SOX6: variants seen among roughly 807,000 people sequenced by gnomAD.
SOX6 encodes transcription factor SOX-6.
SOX6 carries 11 observed loss-of-function variants against 97.8 expected under a neutral mutation model. That is an observed-to-expected ratio of 0.11 (90% confidence interval 0.07 to 0.19). The LOEUF (loss-of-function observed/expected upper bound fraction) is 0.19. Ranked by LOEUF, SOX6 falls within the 10% of genes least tolerant of loss-of-function variation. The pLI is 1.00. For missense variants in SOX6, 810 were observed against 1,039.5 expected, an observed-to-expected ratio of 0.78 and a Z score of 3.04; for synonymous variants, 360 against 371.4, an observed-to-expected ratio of 0.97 and a Z score of 0.35.
At chr11:16,184,328 A>C (rs1851416101) in intron 5 of SOX6, among the ~76,000 whole-genome samples, 2 of 152,142 alleles carry the variant, frequency 1.3e-5, no homozygotes, top group African/African-American at 4.8e-5. Context: ...CTGTAAGCAA[A>C]GACAGGAAAA....
At chr11:16,495,836 G>C (rs1238596888) in intron 4 of SOX6, among the ~76,000 whole-genome samples, 1 of 152,052 alleles carries the variant, frequency 6.6e-6, no homozygotes, top group Non-Finnish European at 1.5e-5. Context: ...CCCAAGAACA[G>C]GCATGCTTAG....
Position 16,660,346 on chromosome 11 carries a change from C to G in SOX6, n.430-48086G>C, listed in dbSNP as rs115923203. Reference sequence around the variant, plus strand: ...TTTTTAATTTCTCTTGAGACTGATTCTTTGACCCATGTGTTATTTATAAGT... The same window carrying G: ...TTTTTAATTTCTCTTGAGACTGATTGTTTGACCCATGTGTTATTTATAAGT... On this transcript the variant is annotated intron_variant and non_coding_transcript_variant, in intron 3 of 5. Coordinates refer to the SOX6 transcript ENST00000524520. 8.5e-4 allele frequency among the ~76,000 whole-genome samples: 129 copies of G among 152,132 alleles called. 3 individuals are homozygous for G. Among genetic ancestry groups the G allele is most frequent in the African/African-American group, 2.7e-3 (113 of 41,532 alleles).
At chr11:16,239,693 A>G (rs1175662269) in intron 3 of SOX6, among the ~76,000 whole-genome samples, 1 of 152,110 alleles carries the variant, frequency 6.6e-6, no homozygotes, top group Non-Finnish European at 1.5e-5. Context: ...GGGCAATGAT[A>G]TAAACATCAA....
exon 4 of SOX6, chr11:16,612,105 G>C (rs1848405114): frequency 6.5e-6 from 1 of 152,712 alleles, no homozygotes; most frequent in Non-Finnish European, 1.5e-5. Flanking sequence ...GGCTGCGGGA[G>C]AAAAGCTGTT....
At chr11:16,566,476 G>A (rs1014646058) in intron 4 of SOX6, among the ~76,000 whole-genome samples, 19 of 152,204 alleles carry the variant, frequency 1.2e-4, no homozygotes, top group African/African-American at 4.3e-4. Context: ...GGTATCTCTG[G>A]TAAACTCAGG....
At chr11:16,041,413 A>G (rs930195414) in intron 12 of SOX6, among the ~76,000 whole-genome samples, 5 of 152,110 alleles carry the variant, frequency 3.3e-5, no homozygotes, top group Non-Finnish European at 7.4e-5. Flanking sequence ...GCAGTATTAC[A>G]TCAGTGTAAT....
At chr11:16,125,721 G>T (rs1161240054) in intron 6 of SOX6, among the ~76,000 whole-genome samples, 1 of 151,816 alleles carries the variant, frequency 6.6e-6, no homozygotes, top group Admixed American at 6.6e-5. Context: ...AGAAGTGGAA[G>T]GATGGTGGTT....
upstream of SOX6, among the ~76,000 whole-genome samples, chr11:16,359,857 A>G (rs770978582): frequency 6.6e-6 from 1 of 152,224 alleles, no homozygotes; most frequent in Non-Finnish European, 1.5e-5. Flanking sequence ...TATGCTTCAC[A>G]GTACCTCATT....
rs181934953 is a variant in SOX6, at chr11:16,467,632, T to C, written c.-5+8683A>G. On this transcript the variant is annotated intron_variant, in intron 1 of 15. Transcript: ENST00000396356. ...GGGGAACAACACACACTGGGGCTTA[T>C]CAGAGGGCAGAAGGTGGGAGAAGGA... 8.3e-3 allele frequency among the ~76,000 whole-genome samples: 1,266 copies of C among 152,234 alleles called. 16 individuals carry two copies. Among genetic ancestry groups the C allele is most frequent in the African/African-American group, 0.029 (1,210 of 41,544 alleles).
upstream of SOX6, among the ~76,000 whole-genome samples, chr11:16,479,529 T>TAA (rs77854554): frequency 7.9e-6 from 1 of 126,888 alleles, no homozygotes; most frequent in Non-Finnish European, 1.7e-5. Context: ...GACTCTGTCT[T>TAA]AAAAAAAAAA....
chr11:16,197,155 C>T (rs1851803890), intron 4 of SOX6, among the ~76,000 whole-genome samples: 1 of 151,994 alleles, frequency 6.6e-6, no homozygotes, highest in South Asian at 2.1e-4. Flanking sequence ...TTTAGTGCCC[C>T]ATTTTGGCTC....
intron 1 of SOX6, among the ~76,000 whole-genome samples, chr11:16,414,053 A>T (rs1331729578): frequency 6.6e-6 from 1 of 152,196 alleles, no homozygotes; most frequent in African/African-American, 2.4e-5. Flanking sequence ...TCACACATTC[A>T]TTTTATGCAT....
chr11:15,977,027 C>G (rs1361939157), intron 15 of SOX6, among the ~76,000 whole-genome samples: 2 of 152,068 alleles, frequency 1.3e-5, no homozygotes, highest in African/African-American at 4.8e-5. Context: ...GTCCAACCTA[C>G]TTTTTAATCC....
chr11:15,976,303 C>T (rs1853483585), intron 15 of SOX6, among the ~76,000 whole-genome samples: 2 of 152,260 alleles, frequency 1.3e-5, no homozygotes, highest in East Asian at 1.9e-4. Context: ...ATCCCAGCTG[C>T]ACCAGTTACT....
At chr11:16,475,093 C>T (rs1490944083) in intron 1 of SOX6, among the ~76,000 whole-genome samples, 1 of 152,210 alleles carries the variant, frequency 6.6e-6, no homozygotes, top group Non-Finnish European at 1.5e-5. Flanking sequence ...TCAGCCTTCA[C>T]AAAAATTGAA....
chr11:16,650,630 C>T (rs1841577999), intron 3 of SOX6, among the ~76,000 whole-genome samples: 1 of 151,846 alleles, frequency 6.6e-6, no homozygotes, highest in South Asian at 2.1e-4. Flanking sequence ...AAAAGCAGTG[C>T]TAAGAGAAAA....
intron 1 of SOX6, among the ~76,000 whole-genome samples, chr11:16,394,956 G>T (rs564611870): frequency 6.6e-6 from 1 of 151,962 alleles, no homozygotes; most frequent in East Asian, 1.9e-4. Context: ...ATGTTTTATA[G>T]CTAGATATTA....
At chr11:16,199,152 G>C (rs936200032) in intron 4 of SOX6, among the ~76,000 whole-genome samples, 1 of 152,170 alleles carries the variant, frequency 6.6e-6, no homozygotes, top group Admixed American at 6.5e-5. Context: ...TGAACTACAG[G>C]AGTATCTGAG....
At chr11:16,234,468 T>C in intron 4 of SOX6, 114 bp downstream of exon 4, 1 of 674,050 alleles carries the variant, frequency 1.5e-6, no homozygotes, top group Non-Finnish European at 2.6e-6. Flanking sequence ...TCATGTACAA[T>C]CAAATGTTAC....
Sources: allele counts gnomAD v4.1 joint callset (sites outside exome capture counted in the v4.1 genomes callset), GRCh38; gene constraint gnomAD v4.1.1; transcripts MANE v1.5; gene names NCBI Gene and HGNC (gene_info 2026-07-23, HGNC 2026-07-21).